WWOX: variants seen among roughly 807,000 people sequenced by gnomAD.
The protein encoded by WWOX is WW domain containing oxidoreductase.
A neutral mutation model predicts 46.2 loss-of-function variants in WWOX; 69 were observed. That is an observed-to-expected ratio of 1.49 (90% CI 1.23 to 1.82). WWOX has a LOEUF of 1.82. WWOX is among the 40% of genes most tolerant of loss of function. The pLI, the probability that WWOX is intolerant of heterozygous loss-of-function variation, is 0.00. For missense variants in WWOX, 919 were observed against 542.6 expected (o/e 1.69, Z -6.89); for synonymous variants, 359 against 202.6 (o/e 1.77, Z -6.56).
At chr16:78,123,488 T>C (rs2033222180) in intron 4 of WWOX, 1 of 137,224 alleles carries the variant, frequency 7.3e-6, no homozygotes, top group African/African-American at 2.8e-5. Flanking sequence ...GATGAAGTCT[T>C]CCTCTGTTGC....
chr16:79,035,586 T>G (rs757778984), intron 8 of WWOX, among the ~76,000 whole-genome samples: 2 of 152,218 alleles, frequency 1.3e-5, no homozygotes, highest in African/African-American at 4.8e-5. Context: ...TCATCCAGGC[T>G]GGAGTGTGGT....
chr16:78,155,580 C>T (rs565319132), intron 4 of WWOX, among the ~76,000 whole-genome samples: 5 of 152,144 alleles, frequency 3.3e-5, no homozygotes, highest in Admixed American at 2.0e-4. Context: ...TGCTTTAAAA[C>T]GTCTTTCTTT....
intron 8 of WWOX, among the ~76,000 whole-genome samples, chr16:78,760,246 C>T (rs1213013743): frequency 2.0e-5 from 3 of 152,150 alleles, no homozygotes; most frequent in African/African-American, 7.2e-5. Flanking sequence ...GAGACTTATT[C>T]ACTACCATGA....
intron 8 of WWOX, among the ~76,000 whole-genome samples, chr16:78,518,119 A>G (rs1367725963): frequency 6.6e-6 from 1 of 152,200 alleles, no homozygotes; most frequent in Non-Finnish European, 1.5e-5. Flanking sequence ...CAGTATTTTC[A>G]TAAGAGTCAC....
At chr16:78,200,411 T>C (rs570603539) in intron 5 of WWOX, among the ~76,000 whole-genome samples, 128 of 150,716 alleles carry the variant, frequency 8.5e-4, no homozygotes, top group Non-Finnish European at 1.1e-3. Flanking sequence ...AGAAAAGGAA[T>C]AAAAAAAAGT....
At chr16:78,780,613 G>A (rs998320674) in intron 8 of WWOX, among the ~76,000 whole-genome samples, 2 of 152,294 alleles carry the variant, frequency 1.3e-5, no homozygotes, top group East Asian at 3.9e-4. Context: ...AGGAAAGACA[G>A]GGAAGACCAT....
chr16:78,608,913 T>TA (rs1465104227), intron 8 of WWOX, among the ~76,000 whole-genome samples: 1 of 152,170 alleles, frequency 6.6e-6, no homozygotes. Context: ...AAACTTCCTA[T>TA]ATGCTCGAAA....
At chr16:78,233,521 T>A (rs1210258842) in intron 5 of WWOX, among the ~76,000 whole-genome samples, 3 of 127,516 alleles carry the variant, frequency 2.4e-5, no homozygotes, top group African/African-American at 9.3e-5. Flanking sequence ...CTTTGATGAT[T>A]AAATTTTTTT....
At chr16:78,792,258 G>A (rs1487841566) in intron 8 of WWOX, among the ~76,000 whole-genome samples, 1 of 152,178 alleles carries the variant, frequency 6.6e-6, no homozygotes, top group Non-Finnish European at 1.5e-5. Flanking sequence ...GTCTGGCAAT[G>A]GGGCTGGGAA....
chr16:78,800,531 G>A (rs1004922319), intron 8 of WWOX, among the ~76,000 whole-genome samples: 1 of 152,140 alleles, frequency 6.6e-6, no homozygotes, highest in African/African-American at 2.4e-5. Flanking sequence ...AGCCTATATG[G>A]TCATAATTAG....
At chr16:78,703,268 G>A (rs2048263815) in intron 8 of WWOX, among the ~76,000 whole-genome samples, 1 of 152,130 alleles carries the variant, frequency 6.6e-6, no homozygotes, top group Non-Finnish European at 1.5e-5. Context: ...CATCTACCTT[G>A]TTTCTCTCAT....
chr16:78,803,359 T>C lies in WWOX; in HGVS notation c.1056+370607T>C, dbSNP rs896237482. On this transcript the variant is annotated intron_variant, in intron 8 of 8. Coordinates refer to ENST00000566780, the MANE Select transcript of WWOX (RefSeq NM_016373.4). ...TCAAATTGCTCTTCATTCTCAAGTG[T>C]AGTATTTATTTCTCCAGCTCATGCA... 9.2e-5 allele frequency among the ~76,000 whole-genome samples: 14 copies of C among 152,136 alleles called. 1 individual carries two copies. Among genetic ancestry groups the C allele is most frequent in the African/African-American group, 3.4e-4 (14 of 41,440 alleles).
chr16:78,540,389 G>A (rs558453557), intron 8 of WWOX, among the ~76,000 whole-genome samples: 2 of 152,040 alleles, frequency 1.3e-5, no homozygotes, highest in Non-Finnish European at 2.9e-5. Context: ...TTTTCCCCTT[G>A]CATGTTGCGT....
At chr16:78,378,706 G>C (rs899226517) in intron 5 of WWOX, among the ~76,000 whole-genome samples, 1 of 152,180 alleles carries the variant, frequency 6.6e-6, no homozygotes, top group African/African-American at 2.4e-5. Context: ...AAGCGGAAGG[G>C]TGAGAGACAT....
At chr16:78,603,501 C>G (rs899177866) in intron 8 of WWOX, among the ~76,000 whole-genome samples, 7 of 152,164 alleles carry the variant, frequency 4.6e-5, no homozygotes, top group African/African-American at 1.7e-4. Context: ...TCGAGACCAG[C>G]CTGGCCAACA....
At chr16:78,309,569 T>G (rs1000957818) in intron 5 of WWOX, among the ~76,000 whole-genome samples, 7 of 152,136 alleles carry the variant, frequency 4.6e-5, no homozygotes, top group African/African-American at 1.7e-4. Context: ...TTTTTTCCCC[T>G]AAAGTGTATA....
chr16:79,073,468 C>G (rs1291279620), intron 8 of WWOX, among the ~76,000 whole-genome samples: 2 of 152,142 alleles, frequency 1.3e-5, no homozygotes, highest in East Asian at 1.9e-4. Context: ...GCATGAGCCA[C>G]CGCGCCTGGC....
intron 8 of WWOX, among the ~76,000 whole-genome samples, chr16:79,149,377 A>C (rs370033522): frequency 3.9e-4 from 59 of 152,306 alleles, no homozygotes; most frequent in African/African-American, 1.3e-3. Flanking sequence ...CCTGGAATAA[A>C]TCCCACTTGG....
chr16:79,139,612 TTTC>T (rs1467083337), intron 8 of WWOX, among the ~76,000 whole-genome samples: 8 of 152,274 alleles, frequency 5.3e-5, no homozygotes, highest in African/African-American at 1.9e-4. Flanking sequence ...CTTTCTTTCT[TTTC>T]TTTTTTTAAG....
Sources: gnomAD v4.1 joint callset for allele counts (sites outside exome capture counted in the v4.1 genomes callset) on GRCh38, gnomAD v4.1.1 for gene constraint, MANE v1.5 for transcripts, NCBI Gene and HGNC (gene_info 2026-07-23, HGNC 2026-07-21) for gene names.